The following MYO1C variants were observed in gnomAD, a reference collection of about 807,000 sequenced individuals.
MYO1C encodes the protein myosin IC.
MYO1C carries 104 observed loss-of-function variants against 150.8 expected under a neutral mutation model. The ratio of observed to expected loss-of-function variants is 0.69; its 90% confidence interval spans 0.59 to 0.81. The LOEUF is 0.81. Ranked by LOEUF, MYO1C falls within the 30% of genes least tolerant of loss-of-function variation. The probability of loss-of-function intolerance (pLI) is 0.00; values close to 1 mark genes in which losing one functional copy is unlikely to be tolerated. For missense variants in MYO1C, 1,504 were observed against 1,435.0 expected (o/e 1.05, Z -0.78); for synonymous variants, 663 against 579.9 (o/e 1.14, Z -2.06).
intron 1 of MYO1C, chr17:1,484,922 C>G (rs895298275): frequency 2.7e-5 from 12 of 441,672 alleles, no homozygotes; most frequent in Non-Finnish European, 5.4e-5. Flanking sequence ...GAGCACCAAG[C>G]AAGAGGTTAC....
chr17:1,474,870 G>A lies in MYO1C; in HGVS notation c.1670-12C>T, dbSNP rs2074371999. Reference sequence around the variant, plus strand: ...TTTGTCCAGAAACCCTGGGAGGGGAGAACCGACGTGAGGTGAGACAGAGCC... The same window carrying A: ...TTTGTCCAGAAACCCTGGGAGGGGAAAACCGACGTGAGGTGAGACAGAGCC... On this transcript the variant is annotated splice_polypyrimidine_tract_variant and intron_variant, in intron 15 of 31. Coordinates refer to ENST00000648651, the MANE Select transcript of MYO1C (RefSeq NM_001080779.2). 6 of 1,613,930 alleles carry A rather than the reference G, an allele frequency of 3.7e-6. No individual in the cohort carries two copies. Among genetic ancestry groups the A allele is most frequent in the Non-Finnish European group, 2.5e-6 (3 of 1,179,970 alleles).
Position 1,469,587 on chromosome 17 carries a change from T to C in MYO1C, c.2554A>G (p.Ile852Val), listed in dbSNP as rs1293412548. 6.2e-7 allele frequency: 1 copy of C among 1,613,212 alleles called. No individual in the cohort carries two copies. The highest frequency in any genetic ancestry group is 8.5e-7 in the Non-Finnish European group (1 of 1,179,704). ...CAGTATTTCCACACCATGTTCTTTA[T>C]GCACAACTCCCGCAGAAGCTCTGAG... ...EASELLRELC[I>V]KNMVWKYCRS... The change falls in exon 25 of 32, where the codon ATA becomes GTA. Residue 852 changes from isoleucine to valine, a missense_variant. Ile to Val is a conservative substitution (Grantham distance 29, BLOSUM62 3). Transcript: ENST00000648651.
At chr17:1,472,813 G>A (rs1276187107) in intron 17 of MYO1C, among the ~76,000 whole-genome samples, 1 of 149,368 alleles carries the variant, frequency 6.7e-6, no homozygotes, top group Non-Finnish European at 1.5e-5. Flanking sequence ...GAGGAGGGGC[G>A]GGTGAAGTGG....
chr17:1,478,233 C>T lies in MYO1C; in HGVS notation c.1296-41G>A. 1 of 1,595,966 alleles carries T rather than the reference C, an allele frequency of 6.3e-7. No individual in the cohort carries two copies. The highest frequency in any genetic ancestry group is 8.6e-7 in the Non-Finnish European group (1 of 1,164,832). On this transcript the variant is annotated intron_variant, in intron 11 of 31. Coordinates refer to ENST00000648651, the MANE Select transcript of MYO1C (RefSeq NM_001080779.2). This position sits in a 1 kb window ranked among gnomAD's most constrained non-coding sequence, Gnocchi z 6.3. ...AGAGCCCACAGTGGCTCAGTGGGGA[C>T]ACAGGACCAGGAGAGGGGAAAAGCT...
chr17:1,467,190 A>C lies in MYO1C; in HGVS notation c.3165+52T>G, dbSNP rs1006654818. 1.2e-5 allele frequency: 19 copies of C among 1,520,154 alleles called. No homozygotes were observed. The African/African-American group carries it at 2.5e-4, about 20-fold the overall frequency. The allele number at this position is 1,520,154 out of a possible 1,614,324, so 94.2% of individuals were successfully genotyped here. On this transcript the variant is annotated intron_variant, in intron 31 of 31. Coordinates refer to ENST00000648651, the MANE Select transcript of MYO1C (RefSeq NM_001080779.2). The stretch of plus-strand genomic sequence containing the variant: ...TGGGCTCTGCCAAGCACAGCCAAGG[A>C]AGGCTTGGCTATCACAGCCAGGCCA...
At chr17:1,485,994 G>A (rs1461492273) in intron 1 of MYO1C, 1 of 154,426 alleles carries the variant, frequency 6.5e-6, no homozygotes, top group African/African-American at 2.4e-5. Context: ...GGACGCCGTT[G>A]GCACCAGGGT....
At chr17:1,476,463 C>A (rs1009678769) in intron 14 of MYO1C, among the ~76,000 whole-genome samples, 5 of 152,218 alleles carry the variant, frequency 3.3e-5, no homozygotes, top group African/African-American at 9.7e-5. Context: ...GCGTGAGCCA[C>A]CACGCCCATC....
At chr17:1,469,362 G>A (rs990938456) in intron 25 of MYO1C, 169 bp downstream of exon 25, 2 of 670,568 alleles carry the variant, frequency 3.0e-6, no homozygotes, top group Non-Finnish European at 5.4e-6. Flanking sequence ...CGGTAGACTG[G>A]GGTAAATAGA....
intron 31 of MYO1C, among the ~76,000 whole-genome samples, chr17:1,466,153 CTTT>C (rs71148490): frequency 0.015 from 1,399 of 91,538 alleles, 10 homozygotes; most frequent in African/African-American, 0.068. Flanking sequence ...GCCGTGCTGC[CTTT>C]TTTTTTTTTT....
At position 1,479,481 on chromosome 17, in the gene MYO1C, T is replaced by A; in HGVS notation, c.1042A>T (p.Thr348Ser). 6.6e-7 allele frequency: 1 copy of A among 1,523,086 alleles called. No homozygotes were observed. The highest frequency in any genetic ancestry group is 8.9e-7 in the Non-Finnish European group (1 of 1,122,280). 94.3% of individuals were successfully genotyped at this position (1,523,086 alleles called of 1,614,324 possible). ...LTRLLSVEGSTLREALTHRKI... is the reference protein window; with the variant it reads ...LTRLLSVEGSSLREALTHRKI... ...CTGTGTGTCAGGGCTTCTCGCAGCG[T>A]CGAGCCTTCCACGCTGAGGAGCTGC... The change falls in exon 9 of 32, where the codon ACG (threonine) becomes TCG (serine). Residue 348 changes from threonine to serine, a missense_variant. Physicochemically the swap from Thr to Ser is moderately conservative, Grantham distance 58. Coordinates refer to ENST00000648651, the MANE Select transcript of MYO1C (RefSeq NM_001080779.2). The surrounding 1 kb of genome is among the most constrained non-coding windows in gnomAD (Gnocchi z 4.2).
Position 1,467,294 on chromosome 17 carries a change from G to A in MYO1C, c.3113C>T (p.Thr1038Ile). The A allele has an allele frequency of 1.2e-6, 2 of 1,613,688 alleles. No individual in the cohort carries two copies. The highest frequency in any genetic ancestry group is 1.7e-5 in the Admixed American group (1 of 59,984). ...GPGRDGTIDFTPGSELLITKA... is the reference protein window; with the variant it reads ...GPGRDGTIDFIPGSELLITKA... ...GGTGATGAGCAGCTCCGAGCCGGGT[G>A]TGAAGTCAATGGTGCCATCCCTGCC... Residue 1038 changes from threonine (T) to isoleucine (I), a missense_variant, in exon 31 of 32, where the codon ACA becomes ATA. Coordinates refer to ENST00000648651, the MANE Select transcript of MYO1C (RefSeq NM_001080779.2).
rs773676116 is a variant in MYO1C at position 1,492,497 on chromosome 17, C to T, written c.-10G>A. 35 of 1,595,096 alleles carry T rather than the reference C, an allele frequency of 2.2e-5. No individual in the cohort carries two copies. In the African/African-American group the frequency reaches 3.0e-4, roughly 13 times the overall value. On this transcript the variant is annotated 5_prime_UTR_variant, in exon 1 of 32. Coordinates refer to ENST00000648651, the MANE Select transcript of MYO1C (RefSeq NM_001080779.2). ...CCACTTGCAGCGCCATTCCGCCCTG[C>T]GGAGAGCCAGCGGCCTGGGCACCGC...
In MYO1C at chr17:1,482,870, C is replaced by CGGGTTGCTCTGTAGCA; in HGVS notation, c.521_536dup (p.Val180AlafsTer20). The CGGGTTGCTCTGTAGCA allele has an allele frequency of 7.3e-7, 1 of 1,366,470 alleles. No individual in the cohort carries two copies. The allele number at this position is 1,366,470 out of a possible 1,614,324, so 84.6% of individuals were successfully genotyped here. On this transcript the variant is annotated frameshift_variant, in exon 4 of 32. Coordinates refer to ENST00000648651, the MANE Select transcript of MYO1C (RefSeq NM_001080779.2). LOFTEE classifies it high-confidence loss of function. The stretch of plus-strand genomic sequence containing the variant: ...TCTCCCTGCCCCTCACCTCCAGCAC[C>CGGGTTGCTCTGTAGCA]GGGTTGCTCTGTAGCAGCCGGTCCC...
chr17:1,483,551 G>A (rs1598344712), intron 3 of MYO1C, 59 bp downstream of exon 3: 1 of 1,252,844 alleles, frequency 8.0e-7, no homozygotes, highest in Non-Finnish European at 1.1e-6. Context: ...TAAGGGTTGG[G>A]CGGGGTCACC....
rs2074147839 is a variant in MYO1C, at chr17:1,465,330, T to C, written c.*396A>G. On this transcript the variant is annotated 3_prime_UTR_variant, in exon 32 of 32. Transcript: ENST00000648651. ...CACACAACCTCTCGGCTACATTCCT[T>C]GCCCTGCTGGAGTCAGGGAAAACAC... The C allele has an allele frequency of 6.2e-6, 1 of 161,732 alleles. No individual in the cohort carries two copies. Among genetic ancestry groups the C allele is most frequent in the Non-Finnish European group, 1.3e-5 (1 of 74,418 alleles). The allele number at this position is 161,732 out of a possible 1,614,324, so 10.0% of individuals were successfully genotyped here. A position where few individuals can be genotyped will look rare whatever the true frequency, so the allele number is the denominator to read the frequency against.
chr17:1,477,028 TG>T (rs2074414857), intron 14 of MYO1C, among the ~76,000 whole-genome samples: 1 of 151,890 alleles, frequency 6.6e-6, no homozygotes, highest in African/African-American at 2.4e-5. Flanking sequence ...TAGTAGAGAC[TG>T]GGTTTCACCA....
At chr17:1,472,580 T>C (rs1301924160) in intron 17 of MYO1C, among the ~76,000 whole-genome samples, 1 of 152,220 alleles carries the variant, frequency 6.6e-6, no homozygotes, top group Non-Finnish European at 1.5e-5. Flanking sequence ...CGCATTCAGC[T>C]AGTATCTGGG....
chr17:1,472,156 G>A lies in MYO1C; in HGVS notation c.1870C>T (p.Arg624Cys). The A allele has an allele frequency of 1.9e-6, 3 of 1,614,164 alleles. No homozygotes were observed. Among genetic ancestry groups the A allele is most frequent in the Non-Finnish European group, 2.5e-6 (3 of 1,180,010 alleles). ...ILQSKEPAYV[R>C]CIKPNDAKQP... ...TTGGCATCATTGGGTTTGATGCAGC[G>A]GACGTAGGCGGGCTCCTTAGACTGC... Residue 624 changes from arginine (R) to cysteine (C), a missense_variant, in exon 18 of 32, where the codon CGC (arginine) becomes TGC (cysteine). Coordinates refer to ENST00000648651, the MANE Select transcript of MYO1C (RefSeq NM_001080779.2).
chr17:1,465,617 C>T lies in MYO1C; in HGVS notation c.*109G>A, dbSNP rs74477362. The T allele has an allele frequency of 3.5e-3, 4,017 of 1,161,488 alleles. 94 individuals carry two copies. In the African/African-American group the frequency reaches 0.057, roughly 17 times the overall value. 71.9% of individuals were successfully genotyped at this position (1,161,488 alleles called of 1,614,324 possible). ...GAGGTGGGAGATTGCAGGTGGGCTT[C>T]GGGGTGTCCCTGGGTCCCTGTCTGG... On this transcript the variant is annotated 3_prime_UTR_variant, in exon 32 of 32. Transcript: ENST00000648651.
Sources: allele counts gnomAD v4.1 joint callset (sites outside exome capture counted in the v4.1 genomes callset), GRCh38; gene constraint gnomAD v4.1.1; non-coding constraint Gnocchi (gnomAD v3.1); transcripts MANE v1.5; gene names NCBI Gene and HGNC (gene_info 2026-07-23, HGNC 2026-07-21).